The following DTNBP1 variants were observed in gnomAD, a reference collection of about 807,000 sequenced individuals.
DTNBP1 encodes the protein dysbindin.
In DTNBP1, 35 loss-of-function variants were observed where a neutral mutation model predicts 42.8. The ratio of observed to expected loss-of-function variants is 0.82; its 90% CI spans 0.63 to 1.09. The LOEUF is 1.09. Among genes scored for constraint, DTNBP1 ranks in the 50% least tolerant of loss-of-function variants. The probability of loss-of-function intolerance (pLI) is 0.00; values close to 1 mark genes in which losing one functional copy is unlikely to be tolerated. For synonymous variants in DTNBP1, 171 were observed against 162.2 expected, an observed-to-expected ratio of 1.05 and a Z score of -0.41; for missense variants, 457 against 424.2, an observed-to-expected ratio of 1.08 and a Z score of -0.68.
intron 8 of DTNBP1, among the ~76,000 whole-genome samples, chr6:15,528,794 T>C (rs949462028): frequency 3.9e-5 from 6 of 152,118 alleles, no homozygotes; most frequent in African/African-American, 1.4e-4. Flanking sequence ...CCTAAAGAAA[T>C]GGTTTCCAAA....
intron 5 of DTNBP1, among the ~76,000 whole-genome samples, chr6:15,622,578 C>T (rs1244311527): frequency 6.6e-6 from 1 of 152,160 alleles, no homozygotes; most frequent in Non-Finnish European, 1.5e-5. Flanking sequence ...GATGCATATA[C>T]ATAAAATACT....
At chr6:15,571,181 G>C (rs1440827354) in intron 7 of DTNBP1, among the ~76,000 whole-genome samples, 1 of 152,184 alleles carries the variant, frequency 6.6e-6, no homozygotes, top group Non-Finnish European at 1.5e-5. Context: ...GCCATTTGTT[G>C]ATTGCTGAAT....
chr6:15,548,756 A>G (rs918312230), intron 7 of DTNBP1, among the ~76,000 whole-genome samples: 2 of 152,218 alleles, frequency 1.3e-5, no homozygotes, highest in African/African-American at 4.8e-5. Context: ...GAAAAAAAGA[A>G]GGCAGTTAAT....
At chr6:15,628,419 T>TC (rs1759482356) in intron 4 of DTNBP1, among the ~76,000 whole-genome samples, 1 of 148,146 alleles carries the variant, frequency 6.8e-6, no homozygotes, top group South Asian at 2.2e-4. Context: ...TTTTTTTTTT[T>TC]TTTGAGACGA....
intron 3 of DTNBP1, among the ~76,000 whole-genome samples, chr6:15,649,875 T>A (rs181458443): frequency 6.6e-6 from 1 of 152,182 alleles, no homozygotes; most frequent in East Asian, 1.9e-4. Context: ...TAACATAAAT[T>A]TTTCAGTAAA....
chr6:15,627,257 T>A, intron 5 of DTNBP1, 86 bp downstream of exon 5: 1 of 1,550,742 alleles, frequency 6.4e-7, no homozygotes, highest in Non-Finnish European at 8.8e-7. Flanking sequence ...TTTCATGTGT[T>A]CCTGAAAAGC....
chr6:15,636,522 T>C (rs1760033668), intron 4 of DTNBP1, among the ~76,000 whole-genome samples: 1 of 152,166 alleles, frequency 6.6e-6, no homozygotes. Context: ...CATACTCCTA[T>C]GAGGCCAATA....
At position 15,533,324 on chromosome 6, in the gene DTNBP1, G is replaced by T; in HGVS notation, c.583C>A (p.Arg195=). ...AAGGCTTCCTCAAAAAACTTCTGCC[G>T]CTCCTTCAGCTTCATTTGCTGGGTG... is the stretch of plus-strand genomic sequence containing the variant. ...EHTQQMKLKE[R]QKFFEEAFQQ... Residue 195 remains arginine, a synonymous_variant, in exon 8 of 10, where the codon CGG becomes AGG. Coordinates refer to ENST00000344537, the MANE Select transcript of DTNBP1 (RefSeq NM_032122.5). The T allele has an allele frequency of 6.2e-7, 1 of 1,614,208 alleles. No individual in the cohort carries two copies. The highest frequency in any genetic ancestry group is 8.5e-7 in the Non-Finnish European group (1 of 1,180,046).
intron 5 of DTNBP1, 56 bp from the exon 6 acceptor site, chr6:15,615,455 A>C (rs868158316): frequency 6.2e-7 from 1 of 1,602,700 alleles, no homozygotes; most frequent in Middle Eastern, 1.7e-4. Context: ...AATCATGATG[A>C]ATACAAAAAG....
intron 1 of DTNBP1, chr6:15,660,639 C>T: frequency 1.0e-6 from 1 of 977,216 alleles, no homozygotes; most frequent in Non-Finnish European, 1.4e-6. Flanking sequence ...GGGGTTCTAA[C>T]TAGATCCCTT....
At chr6:15,636,307 C>T (rs1581420791) in intron 4 of DTNBP1, among the ~76,000 whole-genome samples, 3 of 152,070 alleles carry the variant, frequency 2.0e-5, no homozygotes, top group Admixed American at 1.3e-4. Context: ...TGAGCCACCA[C>T]GCCCAGCTAA....
At chr6:15,612,367 T>C (rs1011436761) in intron 6 of DTNBP1, among the ~76,000 whole-genome samples, 1 of 151,968 alleles carries the variant, frequency 6.6e-6, no homozygotes, top group African/African-American at 2.4e-5. Flanking sequence ...AAAAAAAAAA[T>C]CATGTAACTA....
At chr6:15,539,816 A>C (rs1773455620) in intron 7 of DTNBP1, among the ~76,000 whole-genome samples, 1 of 152,110 alleles carries the variant, frequency 6.6e-6, no homozygotes, top group Non-Finnish European at 1.5e-5. Flanking sequence ...ATCGCCTCCC[A>C]AAGGACCTGC....
chr6:15,546,181 T>C, intron 7 of DTNBP1: 1 of 334,368 alleles, frequency 3.0e-6, no homozygotes. Context: ...TTCTCCTGCC[T>C]CAGCCTCCTG....
chr6:15,535,126 T>G (rs1773135508), intron 7 of DTNBP1, among the ~76,000 whole-genome samples: 1 of 152,068 alleles, frequency 6.6e-6, no homozygotes, highest in South Asian at 2.1e-4. Context: ...CCCATGCTGT[T>G]CTCGTGATAG....
intron 8 of DTNBP1, among the ~76,000 whole-genome samples, chr6:15,526,416 A>G (rs185561166): frequency 1.3e-3 from 201 of 152,316 alleles, no homozygotes; most frequent in Non-Finnish European, 2.5e-3. Flanking sequence ...ATCTGGGAGG[A>G]AAGTGAGTCT....
chr6:15,548,423 G>C, intron 7 of DTNBP1: 1 of 139,420 alleles, frequency 7.2e-6, no homozygotes, highest in Non-Finnish European at 1.5e-5. Flanking sequence ...TAATCTCTAA[G>C]CTTAAACACA....
At chr6:15,579,440 G>A (rs1349313081) in intron 7 of DTNBP1, among the ~76,000 whole-genome samples, 1 of 152,206 alleles carries the variant, frequency 6.6e-6, no homozygotes, top group African/African-American at 2.4e-5. Context: ...CAGAGAGGAG[G>A]AACAAGTTCC....
At chr6:15,615,550 T>C in intron 5 of DTNBP1, 151 bp from the exon 6 acceptor site, 1 of 962,704 alleles carries the variant, frequency 1.0e-6, no homozygotes, top group Non-Finnish European at 1.6e-6. Context: ...CAAAATAAAA[T>C]ATACTGGCCA....
Sources: allele counts gnomAD v4.1 joint callset (sites outside exome capture counted in the v4.1 genomes callset), GRCh38; gene constraint gnomAD v4.1.1; transcripts MANE v1.5; gene names NCBI Gene and HGNC (gene_info 2026-07-23, HGNC 2026-07-21).